LRRTM2: variants seen among roughly 807,000 people sequenced by gnomAD.
LRRTM2 encodes leucine-rich repeat transmembrane neuronal protein 2.
LRRTM2 carries 14 observed loss-of-function variants against 40.7 expected under a neutral mutation model. The observed-to-expected ratio is 0.34, with a 90% confidence interval of 0.23 to 0.54. The LOEUF is 0.54. LRRTM2 is among the 20% of genes least tolerant of loss of function. LRRTM2 has a pLI of 0.92. For missense variants in LRRTM2, 468 were observed against 624.4 expected (o/e 0.75, Z 2.67); for synonymous variants, 223 against 237.6 (o/e 0.94, Z 0.57).
Position 138,871,964 on chromosome 5 carries a change from AAG to A in LRRTM2, c.*1044_*1045del, listed in dbSNP as rs1750683040. ...TTGAAGATCAGGAAAAAGCAGAAGAAAGAGGTTTAAACCCCTTTGTCAAGGCA... is the reference window on the plus strand; with the variant it reads ...TTGAAGATCAGGAAAAAGCAGAAGAAAGGTTTAAACCCCTTTGTCAAGGCA... On this transcript the variant is annotated 3_prime_UTR_variant, in exon 2 of 2. Coordinates refer to ENST00000274711, the MANE Select transcript of LRRTM2 (RefSeq NM_015564.3). 6.6e-6 allele frequency: 1 copy of A among 151,742 alleles called. No individual in the cohort carries two copies. Among genetic ancestry groups the A allele is most frequent in the African/African-American group, 2.4e-5 (1 of 41,310 alleles). The allele number at this position is 151,742 out of a possible 1,614,324, so 9.4% of individuals were successfully genotyped here.
At position 138,872,016 on chromosome 5, in the gene LRRTM2, G is replaced by C. The variant is rs1369941324; in HGVS notation, c.*994C>G. 7.1e-6 allele frequency: 1 copy of C among 141,296 alleles called. No homozygotes were observed. The highest frequency in any genetic ancestry group is 1.5e-5 in the Non-Finnish European group (1 of 65,872). 8.8% of individuals were successfully genotyped at this position (141,296 alleles called of 1,614,324 possible). A position where few individuals can be genotyped will look rare whatever the true frequency, so the allele number is the denominator to read the frequency against. On this transcript the variant is annotated 3_prime_UTR_variant, in exon 2 of 2. Coordinates refer to ENST00000274711, the MANE Select transcript of LRRTM2 (RefSeq NM_015564.3). ...ATCTTTGATCATGATAGTTGAGAGAGAGAGCGCGAGAGTGTGTGTGTGTGT... is the reference window on the plus strand; with the variant it reads ...ATCTTTGATCATGATAGTTGAGAGACAGAGCGCGAGAGTGTGTGTGTGTGT...
At position 138,874,140 on chromosome 5, in the gene LRRTM2, A is replaced by G. The variant is rs1751008823; in HGVS notation, c.421T>C (p.Ser141Pro). Residue 141 changes from serine (S) to proline (P), a missense_variant, in exon 2 of 2, where the codon TCT becomes CCT. By Grantham distance (74) the Ser-to-Pro change is moderately conservative. Coordinates refer to ENST00000274711, the MANE Select transcript of LRRTM2 (RefSeq NM_015564.3). The surrounding 1 kb of genome is among the most constrained non-coding windows in gnomAD (Gnocchi z 4.1). Reference protein sequence around the residue: ...QLINLQNLDLSFNQLSSLHPE... With the variant: ...QLINLQNLDLPFNQLSSLHPE... ...TGCAGAGATGACAGCTGATTAAAAG[A>G]CAGGTCCAAATTTTGCAGGTTAATC... 6.2e-7 allele frequency: 1 copy of G among 1,613,618 alleles called. No individual in the cohort carries two copies. Among genetic ancestry groups the G allele is most frequent in the Non-Finnish European group, 8.5e-7 (1 of 1,179,728 alleles).
Position 138,872,981 on chromosome 5 carries a change from C to A in LRRTM2, c.*29G>T. On this transcript the variant is annotated 3_prime_UTR_variant, in exon 2 of 2. Coordinates refer to ENST00000274711, the MANE Select transcript of LRRTM2 (RefSeq NM_015564.3). ...CTACTATGTAAAATAGGTTACTTATCTGATGTGATTTTTGATGATGGGTAG... is the reference window on the plus strand; with the variant it reads ...CTACTATGTAAAATAGGTTACTTATATGATGTGATTTTTGATGATGGGTAG... 2 of 1,490,174 alleles carry A rather than the reference C, an allele frequency of 1.3e-6. No homozygotes were observed. The highest frequency in any genetic ancestry group is 1.8e-6 in the Non-Finnish European group (2 of 1,091,040). The allele number at this position is 1,490,174 out of a possible 1,614,324, so 92.3% of individuals were successfully genotyped here.
chr5:138,872,929 G>T lies in LRRTM2; in HGVS notation c.*81C>A. ...GAAAATTAGGCTTAATGTCACCATT[G>T]GTAAAAATTAGATATGTATTTAGCC... On this transcript the variant is annotated 3_prime_UTR_variant, in exon 2 of 2. Coordinates refer to ENST00000274711, the MANE Select transcript of LRRTM2 (RefSeq NM_015564.3). 1 of 992,162 alleles carries T rather than the reference G, an allele frequency of 1.0e-6. No homozygotes were observed. Among genetic ancestry groups the T allele is most frequent in the Non-Finnish European group, 1.4e-6 (1 of 693,454 alleles). The allele number at this position is 992,162 out of a possible 1,614,324, so 61.5% of individuals were successfully genotyped here. A position where few individuals can be genotyped will look rare whatever the true frequency, so the allele number is the denominator to read the frequency against.
Position 138,874,240 on chromosome 5 carries a change from T to C in LRRTM2, c.321A>G (p.Gly107=). ...AGATTAATTCCTTAAGTTTATATAGTCCTTGAAAAGCATCTTCTTTTACTG... is the reference window on the plus strand; with the variant it reads ...AGATTAATTCCTTAAGTTTATATAGCCCTTGAAAAGCATCTTCTTTTACTG... The part of the protein sequence containing the change: ...ISTVKEDAFQ[G]LYKLKELILS... The change falls in exon 2 of 2, where the codon GGA becomes GGG. Residue 107 remains glycine, a synonymous_variant. Coordinates refer to ENST00000274711, the MANE Select transcript of LRRTM2 (RefSeq NM_015564.3). This position sits in a 1 kb window ranked among gnomAD's most constrained non-coding sequence, Gnocchi z 4.1. The C allele has an allele frequency of 6.2e-7, 1 of 1,614,036 alleles. No homozygotes were observed. The highest frequency in any genetic ancestry group is 1.1e-5 in the South Asian group (1 of 91,078).
At position 138,874,789 on chromosome 5, in the gene LRRTM2, C is replaced by G. The variant is rs1751123284; in HGVS notation, c.4+119G>C. On this transcript the variant is annotated intron_variant, in intron 1 of 1. Transcript: ENST00000274711. The surrounding 1 kb of genome is among the most constrained non-coding windows in gnomAD (Gnocchi z 4.1). ...TGTCATCATCGATATATGCTTTTAC[C>G]TAAACCTCAAAATCCAAAATATGAT... 2 of 1,043,856 alleles carry G rather than the reference C, an allele frequency of 1.9e-6. No homozygotes were observed. The highest frequency in any genetic ancestry group is 2.9e-6 in the Non-Finnish European group (2 of 694,968). 64.7% of individuals were successfully genotyped at this position (1,043,856 alleles called of 1,614,324 possible). A position where few individuals can be genotyped will look rare whatever the true frequency, so the allele number is the denominator to read the frequency against.
chr5:138,871,859 T>C lies in LRRTM2; in HGVS notation c.*1151A>G, dbSNP rs911175874. On this transcript the variant is annotated 3_prime_UTR_variant, in exon 2 of 2. Coordinates refer to ENST00000274711, the MANE Select transcript of LRRTM2 (RefSeq NM_015564.3). ...TATAATAGTTGGAAAGTGTTTTTTT[T>C]CATGGTTCCTTTGTAATACAATAAG... The C allele has an allele frequency of 1.3e-5, 2 of 152,240 alleles. No individual in the cohort carries two copies. Among genetic ancestry groups the C allele is most frequent in the African/African-American group, 4.8e-5 (2 of 41,470 alleles). The allele number at this position is 152,240 out of a possible 1,614,324, so 9.4% of individuals were successfully genotyped here.
rs775822647 is a variant in LRRTM2 at position 138,873,174 on chromosome 5, T to G, written c.1387A>C (p.Asn463His). 2.5e-6 allele frequency: 4 copies of G among 1,614,020 alleles called. No homozygotes were observed. In the East Asian group the frequency reaches 8.9e-5, roughly 36 times the overall value. Residue 463 changes from asparagine (N) to histidine (H), a missense_variant, in exon 2 of 2, where the codon AAC becomes CAC. By Grantham distance (68) the Asn-to-His change is moderately conservative. Coordinates refer to ENST00000274711, the MANE Select transcript of LRRTM2 (RefSeq NM_015564.3). The surrounding 1 kb of genome is among the most constrained non-coding windows in gnomAD (Gnocchi z 6.1). ...GTTTGGGATCGGAGCTGCCTGTGGT[T>G]CTGAACCATTGAGCACTGCCTAATT... ...RRIRQCSMVQ[N>H]HRQLRSQTRL...
At position 138,874,531 on chromosome 5, in the gene LRRTM2, C is replaced by G; in HGVS notation, c.30G>C (p.Gly10=). ...CATATATTGCTGCCAGCATAGGGGCCCCTAATGGCCACTTGAAATGTAAGC... is the reference window on the plus strand; with the variant it reads ...CATATATTGCTGCCAGCATAGGGGCGCCTAATGGCCACTTGAAATGTAAGC... MGLHFKWPL[G]APMLAAIYAM... is the part of the protein sequence containing the mutation. The change falls in exon 2 of 2, where the codon GGG becomes GGC. Residue 10 remains glycine, a synonymous_variant. Coordinates refer to ENST00000274711, the MANE Select transcript of LRRTM2 (RefSeq NM_015564.3). The surrounding 1 kb of genome is among the most constrained non-coding windows in gnomAD (Gnocchi z 4.1). 2 of 1,576,630 alleles carry G rather than the reference C, an allele frequency of 1.3e-6. No individual in the cohort carries two copies. The highest frequency in any genetic ancestry group is 1.2e-5 in the South Asian group (1 of 86,772).
At position 138,874,503 on chromosome 5, in the gene LRRTM2, T is replaced by A. The variant is rs1751072298; in HGVS notation, c.58A>T (p.Met20Leu). The change falls in exon 2 of 2, where the codon ATG becomes TTG. Residue 20 changes from methionine (M) to leucine (L), a missense_variant. Coordinates refer to ENST00000274711, the MANE Select transcript of LRRTM2 (RefSeq NM_015564.3). The surrounding 1 kb of genome is among the most constrained non-coding windows in gnomAD (Gnocchi z 4.1). ...GGCAGCATTTTTAAAACCATACTCA[T>A]TGCATATATTGCTGCCAGCATAGGG... ...GAPMLAAIYAMSMVLKMLPAL... is the reference protein window; with the variant it reads ...GAPMLAAIYALSMVLKMLPAL... 1.2e-6 allele frequency: 2 copies of A among 1,603,800 alleles called. No homozygotes were observed. The highest frequency in any genetic ancestry group is 1.7e-6 in the Non-Finnish European group (2 of 1,173,658).
At position 138,870,756 on chromosome 5, in the gene LRRTM2, C is replaced by T. The variant is rs1033083411; in HGVS notation, c.*2254G>A. 6 of 152,202 alleles carry T rather than the reference C, an allele frequency of 3.9e-5. No homozygotes were observed. The highest frequency in any genetic ancestry group is 1.4e-4 in the African/African-American group (6 of 41,446). 9.4% of individuals were successfully genotyped at this position (152,202 alleles called of 1,614,324 possible). ...AAGCTGTCTGTCACCTGACAAATGGCAATGGTCATCCTGATAAATGGGTTG... is the reference window on the plus strand; with the variant it reads ...AAGCTGTCTGTCACCTGACAAATGGTAATGGTCATCCTGATAAATGGGTTG... On this transcript the variant is annotated 3_prime_UTR_variant, in exon 2 of 2. Transcript: ENST00000274711.
In LRRTM2 at chr5:138,874,757, A is replaced by G. The variant is rs897621408; in HGVS notation, c.4+151T>C. On this transcript the variant is annotated intron_variant, in intron 1 of 1. Transcript: ENST00000274711. This position sits in a 1 kb window ranked among gnomAD's most constrained non-coding sequence, Gnocchi z 4.1. ...AAGCCATTTAAAAAGAAGATAAAAC[A>G]TGTCTCTGTCATCATCGATATATGC... The G allele has an allele frequency of 7.7e-6, 6 of 775,274 alleles. No individual in the cohort carries two copies. The highest frequency in any genetic ancestry group is 6.9e-5 in the African/African-American group (4 of 57,666). 48.0% of individuals were successfully genotyped at this position (775,274 alleles called of 1,614,324 possible). A position where few individuals can be genotyped will look rare whatever the true frequency, so the allele number is the denominator to read the frequency against.
Position 138,872,737 on chromosome 5 carries a change from A to C in LRRTM2, c.*273T>G. 3.2e-6 allele frequency: 1 copy of C among 311,560 alleles called. No individual in the cohort carries two copies. 19.3% of individuals were successfully genotyped at this position (311,560 alleles called of 1,614,324 possible). On this transcript the variant is annotated 3_prime_UTR_variant, in exon 2 of 2. Coordinates refer to ENST00000274711, the MANE Select transcript of LRRTM2 (RefSeq NM_015564.3). ...ACCTTAGTGTAAAGGTTTACACACG[A>C]TTGTATATAATTACATACATTTCTT...
In LRRTM2 at chr5:138,869,325, A is replaced by G. The variant is rs890214114; in HGVS notation, c.*3685T>C. ...AAGTACTATGAGTTTGCCCCAGGTT[A>G]GATAGAGAAATATTTAATTATCTAT... is the stretch of plus-strand genomic sequence containing the variant. On this transcript the variant is annotated 3_prime_UTR_variant, in exon 2 of 2. Transcript: ENST00000274711. The G allele has an allele frequency of 1.3e-5, 2 of 151,846 alleles. No homozygotes were observed. The highest frequency in any genetic ancestry group is 4.8e-5 in the African/African-American group (2 of 41,390). The allele number at this position is 151,846 out of a possible 1,614,324, so 9.4% of individuals were successfully genotyped here.
Position 138,870,339 on chromosome 5 carries a change from G to A in LRRTM2, c.*2671C>T, listed in dbSNP as rs1412236209. ...CCTTCTACAGGCAATTAAAAAGGGA[G>A]GTTTTTGCTTTTAAATGAGAAAGGA... On this transcript the variant is annotated 3_prime_UTR_variant, in exon 2 of 2. Transcript: ENST00000274711. The A allele has an allele frequency of 6.6e-6, 1 of 152,142 alleles. No homozygotes were observed. The allele number at this position is 152,142 out of a possible 1,614,324, so 9.4% of individuals were successfully genotyped here. A position where few individuals can be genotyped will look rare whatever the true frequency, so the allele number is the denominator to read the frequency against.
rs1765111338 is a variant in LRRTM2 at position 138,869,262 on chromosome 5, C to CT, written c.*3747dup. On this transcript the variant is annotated 3_prime_UTR_variant, in exon 2 of 2. Transcript: ENST00000274711. ...AATGTTTGCAATAGCAGAATGAAAG[C>CT]TTAAACAGTAATTTTCTATTTGTTT... is the stretch of plus-strand genomic sequence containing the variant. The CT allele has an allele frequency of 6.6e-6, 1 of 150,794 alleles. No individual in the cohort carries two copies. Among genetic ancestry groups the CT allele is most frequent in the Non-Finnish European group, 1.5e-5 (1 of 67,856 alleles). 9.3% of individuals were successfully genotyped at this position (150,794 alleles called of 1,614,324 possible).
Position 138,869,462 on chromosome 5 carries a change from G to A in LRRTM2, c.*3548C>T, listed in dbSNP as rs774670275. The A allele has an allele frequency of 1.1e-4, 16 of 150,928 alleles. No individual in the cohort carries two copies. The highest frequency in any genetic ancestry group is 3.7e-4 in the African/African-American group (15 of 40,958). 9.3% of individuals were successfully genotyped at this position (150,928 alleles called of 1,614,324 possible). A position where few individuals can be genotyped will look rare whatever the true frequency, so the allele number is the denominator to read the frequency against. On this transcript the variant is annotated 3_prime_UTR_variant, in exon 2 of 2. Coordinates refer to ENST00000274711, the MANE Select transcript of LRRTM2 (RefSeq NM_015564.3). ...AACAGACTTTTCAGATAGGTCTGTC[G>A]CTGTATTCCTGTATTAGGAAAACGA... is the stretch of plus-strand genomic sequence containing the variant.
In LRRTM2 at chr5:138,872,910, T is replaced by C. The variant is rs887031316; in HGVS notation, c.*100A>G. 4.9e-6 allele frequency: 4 copies of C among 809,606 alleles called. No individual in the cohort carries two copies. The Admixed American group carries it at 8.4e-5, about 17-fold the overall frequency. The allele number at this position is 809,606 out of a possible 1,614,324, so 50.2% of individuals were successfully genotyped here. A position where few individuals can be genotyped will look rare whatever the true frequency, so the allele number is the denominator to read the frequency against. ...TAAGTCTCCACTTAGTTTGGAAAAT[T>C]AGGCTTAATGTCACCATTGGTAAAA... On this transcript the variant is annotated 3_prime_UTR_variant, in exon 2 of 2. Transcript: ENST00000274711.
rs1280348634 is a variant in LRRTM2, at chr5:138,871,739, A to C, written c.*1271T>G. The C allele has an allele frequency of 6.6e-6, 1 of 152,244 alleles. No individual in the cohort carries two copies. Among genetic ancestry groups the C allele is most frequent in the Admixed American group, 6.5e-5 (1 of 15,280 alleles). 9.4% of individuals were successfully genotyped at this position (152,244 alleles called of 1,614,324 possible). A position where few individuals can be genotyped will look rare whatever the true frequency, so the allele number is the denominator to read the frequency against. Reference sequence around the variant, plus strand: ...CATAGGCATGTCGAGTTGTTCTGCCATGAGATTCATCTCAGTGGTGCTGTT... The same window carrying C: ...CATAGGCATGTCGAGTTGTTCTGCCCTGAGATTCATCTCAGTGGTGCTGTT... On this transcript the variant is annotated 3_prime_UTR_variant, in exon 2 of 2. Transcript: ENST00000274711.
Sources: allele counts gnomAD v4.1 joint callset, GRCh38; gene constraint gnomAD v4.1.1; non-coding constraint Gnocchi (gnomAD v3.1); transcripts MANE v1.5; gene names NCBI Gene and HGNC (gene_info 2026-07-23, HGNC 2026-07-21).